Variants in PER2 observed in about 807,000 individuals in gnomAD.
PER2 encodes period circadian protein homolog 2.
PER2 carries 66 observed loss-of-function variants against 121.0 expected under a neutral mutation model. That is an observed-to-expected ratio of 0.55 (90% CI 0.45 to 0.67). PER2 has a LOEUF of 0.67. PER2 is among the 30% of genes least tolerant of loss of function. PER2 has a pLI of 0.00. For missense variants in PER2, 1,521 were observed against 1,635.0 expected (o/e 0.93, Z 1.20); for synonymous variants, 684 against 659.9 (o/e 1.04, Z -0.56).
intron 1 of PER2, among the ~76,000 whole-genome samples, chr2:238,283,024 G>A (rs1696676178): frequency 6.6e-6 from 1 of 151,550 alleles, no homozygotes; most frequent in Admixed American, 6.6e-5. Context: ...TGCCCTGTGT[G>A]GACTCGGATG....
intron 3 of PER2, among the ~76,000 whole-genome samples, 169 bp from the exon 4 acceptor site, chr2:238,276,066 T>C (rs886713640): frequency 1.5e-5 from 2 of 135,840 alleles, no homozygotes; most frequent in Non-Finnish European, 3.1e-5. Flanking sequence ...AGAGATGTTC[T>C]GGTCTGGGTG....
In PER2 at chr2:238,251,689, T is replaced by C; in HGVS notation, c.3184A>G (p.Asn1062Asp). ...CCCGAGGCTGAGCAGAGGTCCTCAT[T>C]CAGCAGGAGGTTTAGGAGGCCGCTT... Reference protein sequence around the residue: ...TSSGLLNLLLNEDLCSASGSA... With the variant: ...TSSGLLNLLLDEDLCSASGSA... The change falls in exon 20 of 23, where the codon AAT becomes GAT. Residue 1062 changes from asparagine (N) to aspartate (D), a missense_variant. Transcript: ENST00000254657. 6.2e-7 allele frequency: 1 copy of C among 1,614,034 alleles called. No homozygotes were observed. Among genetic ancestry groups the C allele is most frequent in the African/African-American group, 1.3e-5 (1 of 75,028 alleles).
intron 13 of PER2, among the ~76,000 whole-genome samples, 168 bp downstream of exon 13, chr2:238,260,660 C>G (rs1218332796): frequency 6.6e-6 from 1 of 152,212 alleles, no homozygotes; most frequent in Non-Finnish European, 1.5e-5. Flanking sequence ...GCTCTTTCAA[C>G]TCTTAAGAGA....
the PER2 span, among the ~76,000 whole-genome samples, chr2:238,297,670 G>C: frequency 6.6e-6 from 1 of 152,228 alleles, no homozygotes; most frequent in Non-Finnish European, 1.5e-5. Flanking sequence ...AGGGGGCCCA[G>C]ATAGTCCCGG....
chr2:238,290,991 G>C (rs1331402131), upstream of PER2, among the ~76,000 whole-genome samples: 1 of 152,194 alleles, frequency 6.6e-6, no homozygotes, highest in Non-Finnish European at 1.5e-5. Flanking sequence ...GCGCAAATTG[G>C]GGCAGTCAGA....
rs1341325456 is a variant in PER2 at position 238,261,887 on chromosome 2, C to G, written c.1308-50G>C. 4 of 1,310,472 alleles carry G rather than the reference C, an allele frequency of 3.1e-6. No homozygotes were observed. In the South Asian group the frequency reaches 5.1e-5, roughly 17 times the overall value. The allele number at this position is 1,310,472 out of a possible 1,614,324, so 81.2% of individuals were successfully genotyped here. Reference sequence around the variant, plus strand: ...TAGATGGGGCCCCACAGGAGGACCTCTCTGGCGTGACTGTATAGCCACTAC... The same window carrying G: ...TAGATGGGGCCCCACAGGAGGACCTGTCTGGCGTGACTGTATAGCCACTAC... On this transcript the variant is annotated intron_variant, in intron 11 of 22. Coordinates refer to ENST00000254657, the MANE Select transcript of PER2 (RefSeq NM_022817.3).
chr2:238,293,029 C>G (rs1237828782), upstream of PER2, among the ~76,000 whole-genome samples: 3 of 139,256 alleles, frequency 2.2e-5, no homozygotes, highest in Admixed American at 7.0e-5. Flanking sequence ...AGACACCCCT[C>G]CCAGCCTTGT....
intron 8 of PER2, among the ~76,000 whole-genome samples, chr2:238,267,227 G>C (rs1696140481): frequency 6.6e-6 from 1 of 152,202 alleles, no homozygotes; most frequent in Non-Finnish European, 1.5e-5. Context: ...TTCCTGGCCA[G>C]GGATTTCGGC....
intron 6 of PER2, among the ~76,000 whole-genome samples, 175 bp downstream of exon 6, chr2:238,271,137 C>T (rs1696270184): frequency 6.6e-6 from 1 of 152,216 alleles, no homozygotes; most frequent in Non-Finnish European, 1.5e-5. Flanking sequence ...TAAATTTATT[C>T]TGAAGGGACG....
intron 6 of PER2, among the ~76,000 whole-genome samples, chr2:238,269,895 T>C (rs1009897931): frequency 6.6e-6 from 1 of 152,248 alleles, no homozygotes; most frequent in Non-Finnish European, 1.5e-5. Flanking sequence ...CTACCTACTG[T>C]CCCTGAGTAA....
rs1172384519 is a variant in PER2, at chr2:238,250,624, G to A, written c.3394C>T (p.Leu1132=). The change falls in exon 21 of 23, where the codon CTG becomes TTG. Residue 1132 remains leucine (L), a synonymous_variant. Coordinates refer to ENST00000254657, the MANE Select transcript of PER2 (RefSeq NM_022817.3). ...ATCAGCAGCCAGATGGGATCCTGCA[G>A]GACGCACTTAATGAAATGCTCACTT... ...EESEHFIKCV[L]QDPIWLLMAD... The A allele has an allele frequency of 8.7e-6, 14 of 1,613,924 alleles. No individual in the cohort carries two copies. Among genetic ancestry groups the A allele is most frequent in the Admixed American group, 6.7e-5 (4 of 60,030 alleles).
rs763194798 is a variant in PER2 at position 238,255,909 on chromosome 2, T to C, written c.2068A>G (p.Met690Val). ...GGCCCACTCGCAGCATCTTCCACCA[T>C]CTCTGTAACACAAGAACCCAGGGCT... The part of the protein sequence containing the change: ...GDKKPQPELE[M>V]VEDAASGPES... The change falls in exon 18 of 23, where the codon ATG becomes GTG. Residue 690 changes from methionine to valine, a missense_variant and splice_region_variant. Transcript: ENST00000254657. The C allele has an allele frequency of 1.2e-6, 2 of 1,614,200 alleles. No homozygotes were observed. Among genetic ancestry groups the C allele is most frequent in the South Asian group, 1.1e-5 (1 of 91,092 alleles).
At chr2:238,265,689 T>A (rs139404904) in intron 8 of PER2, 99 bp from the exon 9 acceptor site, 6 of 785,810 alleles carry the variant, frequency 7.6e-6, no homozygotes, top group Non-Finnish European at 1.1e-5. Context: ...TTCAGAGTAA[T>A]GAGCAGCTAA....
At chr2:238,287,197 G>A (rs893673081) in intron 1 of PER2, among the ~76,000 whole-genome samples, 1 of 152,196 alleles carries the variant, frequency 6.6e-6, no homozygotes, top group African/African-American at 2.4e-5. Flanking sequence ...ATCATACCAA[G>A]GCGACAGTGA....
intron 14 of PER2, among the ~76,000 whole-genome samples, chr2:238,258,847 G>A (rs914786626): frequency 9.9e-5 from 15 of 152,076 alleles, no homozygotes; most frequent in Non-Finnish European, 1.9e-4. Context: ...AGACCTGGGG[G>A]GGGAGCTGCT....
At chr2:238,278,596 G>C (rs1044039336) in intron 1 of PER2, among the ~76,000 whole-genome samples, 2 of 152,188 alleles carry the variant, frequency 1.3e-5, no homozygotes, top group African/African-American at 2.4e-5. Context: ...CTCTGAATAG[G>C]TGATCTGCCT....
At chr2:238,249,235 G>A (rs1695534295) in intron 21 of PER2, 23 bp from the exon 22 acceptor site, 24 of 1,608,254 alleles carry the variant, frequency 1.5e-5, no homozygotes, top group East Asian at 2.2e-5. Context: ...TTTAGAAATC[G>A]GTAAGCTTTC....
At chr2:238,259,269 C>T (rs1219185236) in intron 14 of PER2, among the ~76,000 whole-genome samples, 1 of 152,252 alleles carries the variant, frequency 6.6e-6, no homozygotes, top group African/African-American at 2.4e-5. Flanking sequence ...AGGCTTCGGC[C>T]TGAGCACAGA....
intron 8 of PER2, among the ~76,000 whole-genome samples, chr2:238,266,090 AGGT>A (rs1696091718): frequency 6.7e-6 from 1 of 150,304 alleles, no homozygotes; most frequent in Non-Finnish European, 1.5e-5. Context: ...TTTTTAGTTG[AGGT>A]GGGGTTTCAC....
Sources: gnomAD v4.1 joint callset for allele counts (sites outside exome capture counted in the v4.1 genomes callset) on GRCh38, gnomAD v4.1.1 for gene constraint, MANE v1.5 for transcripts, NCBI Gene and HGNC (gene_info 2026-07-23, HGNC 2026-07-21) for gene names.